Variants in CD6 observed in about 807,000 individuals in gnomAD.
CD6 encodes CD6 molecule, also known as T-cell differentiation antigen CD6.
A neutral mutation model predicts 75.3 loss-of-function variants in CD6; 53 were observed. The observed-to-expected ratio is 0.70, with a 90% CI of 0.56 to 0.88. The LOEUF is 0.88. Among genes scored for constraint, CD6 ranks in the 40% least tolerant of loss-of-function variants. The pLI, the probability that CD6 is intolerant of heterozygous loss-of-function variation, is 0.00. For missense variants in CD6, 770 were observed against 897.1 expected, an observed-to-expected ratio of 0.86 and a Z score of 1.81; for synonymous variants, 359 against 381.5, an observed-to-expected ratio of 0.94 and a Z score of 0.69.
At chr11:60,997,327 C>T (rs553139732) in intron 1 of CD6, among the ~76,000 whole-genome samples, 3 of 147,544 alleles carry the variant, frequency 2.0e-5, no homozygotes, top group Admixed American at 6.8e-5. Context: ...GCGGTGAGCC[C>T]AAGATCATAC....
chr11:61,020,279 C>G lies in CD6; in HGVS notation c.*961C>G. On this transcript the variant is annotated 3_prime_UTR_variant, in exon 13 of 13. Transcript: ENST00000313421. ...GTGGTGTTGCACCCGGGGCTGCAAA[C>G]GTCTCCGTGCAGCCCCCAGAGAGAG... 1 of 399,002 alleles carries G rather than the reference C, an allele frequency of 2.5e-6. No homozygotes were observed. 24.7% of individuals were successfully genotyped at this position (399,002 alleles called of 1,614,324 possible). A position where few individuals can be genotyped will look rare whatever the true frequency, so the allele number is the denominator to read the frequency against.
At chr11:60,994,457 C>CAAAAAAAAA (rs61349237) in intron 1 of CD6, among the ~76,000 whole-genome samples, 14,316 of 52,658 alleles carry the variant, frequency 0.27, 2,477 homozygotes, top group East Asian at 0.58. Context: ...ACACCCCCGC[C>CAAAAAAAAA]AAAAAAAAAA....
At chr11:60,997,194 G>A (rs1293946228) in intron 1 of CD6, among the ~76,000 whole-genome samples, 1 of 152,156 alleles carries the variant, frequency 6.6e-6, no homozygotes, top group East Asian at 1.9e-4. Context: ...TGGCCAACGT[G>A]GTGAAACCCC....
At chr11:61,018,217 G>A in intron 11 of CD6, 72 bp from the exon 12 acceptor site, 1 of 1,378,050 alleles carries the variant, frequency 7.3e-7, no homozygotes, top group Admixed American at 2.4e-5. Context: ...GAGTCACGTG[G>A]GCCCCCCAGC....
chr11:61,008,526 AC>A lies in CD6; in HGVS notation c.470-4del. 6.3e-7 allele frequency: 1 copy of A among 1,579,116 alleles called. No homozygotes were observed. The highest frequency in any genetic ancestry group is 1.2e-5 in the South Asian group (1 of 86,472). ...GCCCCAGCATCCACAACCCCCTCCC[AC>A]CCCTAGAGAACCGCGCGCTGCGCCT... On this transcript the variant is annotated splice_polypyrimidine_tract_variant and splice_region_variant and intron_variant, in intron 3 of 12. Transcript: ENST00000313421.
intron 1 of CD6, among the ~76,000 whole-genome samples, chr11:60,981,748 C>T (rs1220156724): frequency 2.0e-5 from 3 of 152,186 alleles, no homozygotes; most frequent in Admixed American, 2.0e-4. Context: ...ATTTTGTAGG[C>T]TCCTGCAGCC....
Position 61,007,976 on chromosome 11 carries a change from T to A in CD6, c.469+66T>A. Reference sequence around the variant, plus strand: ...TCCCCAGGCCTTCAGCCACTGCCCCTGGCTCCAGACCCTGGACGCAAGCCT... The same window carrying A: ...TCCCCAGGCCTTCAGCCACTGCCCCAGGCTCCAGACCCTGGACGCAAGCCT... On this transcript the variant is annotated intron_variant, in intron 3 of 12. Transcript: ENST00000313421. The surrounding 1 kb of genome is among the most constrained non-coding windows in gnomAD (Gnocchi z 4.2). 9.2e-7 allele frequency: 1 copy of A among 1,083,064 alleles called. No homozygotes were observed. The highest frequency in any genetic ancestry group is 1.2e-6 in the Non-Finnish European group (1 of 834,162). The allele number at this position is 1,083,064 out of a possible 1,614,324, so 67.1% of individuals were successfully genotyped here. A position where few individuals can be genotyped will look rare whatever the true frequency, so the allele number is the denominator to read the frequency against.
chr11:60,995,127 T>TC (rs1371122942), intron 1 of CD6, among the ~76,000 whole-genome samples: 1 of 65,874 alleles, frequency 1.5e-5, no homozygotes, highest in Non-Finnish European at 3.5e-5. Context: ...GCATGCGTCT[T>TC]TTTTTTTTTC....
Position 60,996,174 on chromosome 11 carries a change from C to T in CD6, c.50-10400C>T, listed in dbSNP as rs569890851. Reference sequence around the variant, plus strand: ...TGCCTCAGTTTCCCCATCTCGTGGTCTTGCTTTGACAATTAAATCATACTG... The same window carrying T: ...TGCCTCAGTTTCCCCATCTCGTGGTTTTGCTTTGACAATTAAATCATACTG... On this transcript the variant is annotated intron_variant, in intron 1 of 12. Transcript: ENST00000313421. Among the ~76,000 whole-genome samples, 4 of 152,306 alleles carry T rather than the reference C, an allele frequency of 2.6e-5. No individual in the cohort carries two copies. The East Asian group carries it at 7.7e-4, about 29-fold the overall frequency.
intron 1 of CD6, among the ~76,000 whole-genome samples, chr11:60,975,974 T>A (rs1412348593): frequency 6.6e-6 from 1 of 152,222 alleles, no homozygotes; most frequent in Admixed American, 6.5e-5. Context: ...TTTTAGAAAA[T>A]GCTTTTAGAA....
intron 1 of CD6, among the ~76,000 whole-genome samples, chr11:60,998,591 C>G (rs1016482969): frequency 2.0e-5 from 3 of 152,122 alleles, no homozygotes; most frequent in African/African-American, 7.2e-5. Context: ...ACACCCTGAC[C>G]TGCCAGCCAC....
chr11:60,973,634 G>A (rs1857268799), intron 1 of CD6, among the ~76,000 whole-genome samples: 1 of 152,154 alleles, frequency 6.6e-6, no homozygotes, highest in South Asian at 2.1e-4. Flanking sequence ...TGAAAAGATC[G>A]TGAAGACCCA....
At chr11:60,977,766 A>T (rs1857415690) in intron 1 of CD6, among the ~76,000 whole-genome samples, 1 of 152,036 alleles carries the variant, frequency 6.6e-6, no homozygotes, top group Non-Finnish European at 1.5e-5. Flanking sequence ...AATAGCTGGG[A>T]TTACAGGCGC....
At chr11:60,985,966 A>T (rs1857798285) in intron 1 of CD6, among the ~76,000 whole-genome samples, 2 of 152,122 alleles carry the variant, frequency 1.3e-5, no homozygotes, top group South Asian at 4.1e-4. Flanking sequence ...CTCAGACCTG[A>T]TTTGAGAAGC....
intron 1 of CD6, among the ~76,000 whole-genome samples, chr11:61,001,826 G>A: frequency 6.6e-6 from 1 of 152,188 alleles, no homozygotes; most frequent in Non-Finnish European, 1.5e-5. Flanking sequence ...AAATGATGAG[G>A]AATTTCAAGA....
chr11:60,977,486 T>G lies in CD6; in HGVS notation c.49+5572T>G, dbSNP rs569323926. Among the ~76,000 whole-genome samples the G allele has an allele frequency of 2.0e-5, 3 of 152,312 alleles. No homozygotes were observed. In the South Asian group the frequency reaches 6.2e-4, roughly 32 times the overall value. ...GACCTCCAGGCCCTCCATCCTGTCC[T>G]CGGCACTGGCCCTTCTCCAGACTCA... On this transcript the variant is annotated intron_variant, in intron 1 of 12. Transcript: ENST00000313421.
chr11:60,993,492 A>G lies in CD6; in HGVS notation c.50-13082A>G, dbSNP rs115207158. 3.0e-4 allele frequency among the ~76,000 whole-genome samples: 45 copies of G among 152,090 alleles called. 2 individuals carry two copies. The highest frequency in any genetic ancestry group is 1.1e-3 in the African/African-American group (45 of 41,518). ...GGATAATAACAACCACAGCTACCAT[A>G]TACCGCGTCCTAAGCGTTTTACGAA... On this transcript the variant is annotated intron_variant, in intron 1 of 12. Transcript: ENST00000313421.
Position 61,018,350 on chromosome 11 carries a change from G to GCCA in CD6, c.1905_1907dup (p.Pro636dup). ...CCGGGGAGTGGTACCAGAACTTCCA[G>GCCA]CCACCACCCCAGCCCCCTTCGGAGG... is the stretch of plus-strand genomic sequence containing the variant. On this transcript the variant is annotated inframe_insertion, in exon 12 of 13. Coordinates refer to ENST00000313421, the MANE Select transcript of CD6 (RefSeq NM_006725.5). The GCCA allele has an allele frequency of 6.2e-7, 1 of 1,607,488 alleles. No individual in the cohort carries two copies. The highest frequency in any genetic ancestry group is 8.5e-7 in the Non-Finnish European group (1 of 1,177,054).
chr11:60,984,552 G>T (rs1427953998), intron 1 of CD6, among the ~76,000 whole-genome samples: 1 of 152,128 alleles, frequency 6.6e-6, no homozygotes, highest in Non-Finnish European at 1.5e-5. Flanking sequence ...CTTTTTTTCA[G>T]CCACTGAGGA....
Sources: gnomAD v4.1 joint callset for allele counts (sites outside exome capture counted in the v4.1 genomes callset) on GRCh38, gnomAD v4.1.1 for gene constraint, Gnocchi (gnomAD v3.1) non-coding constraint, MANE v1.5 for transcripts, NCBI Gene and HGNC (gene_info 2026-07-23, HGNC 2026-07-21) for gene names.